The following RBMS3 variants were observed in gnomAD, a reference collection of about 807,000 sequenced individuals.
RBMS3 encodes the protein RNA-binding motif, single-stranded-interacting protein 3.
A neutral mutation model predicts 66.8 loss-of-function variants in RBMS3; 27 were observed. The ratio of observed to expected loss-of-function variants is 0.40; its 90% confidence interval spans 0.30 to 0.56. RBMS3 has a LOEUF of 0.56. RBMS3 is among the 20% of genes least tolerant of loss of function. RBMS3 has a pLI of 0.40. For missense variants in RBMS3, 513 were observed against 549.5 expected, an observed-to-expected ratio of 0.93 and a Z score of 0.66; for synonymous variants, 188 against 183.0, an observed-to-expected ratio of 1.03 and a Z score of -0.22.
chr3:29,826,999 G>T (rs1484190362), intron 6 of RBMS3, among the ~76,000 whole-genome samples: 1 of 152,040 alleles, frequency 6.6e-6, no homozygotes, highest in East Asian at 1.9e-4. Context: ...GGGGCAAAGG[G>T]GGAACTGAGT....
intron 4 of RBMS3, among the ~76,000 whole-genome samples, chr3:29,699,373 C>T (rs1424755473): frequency 1.3e-5 from 2 of 152,146 alleles, no homozygotes; most frequent in Non-Finnish European, 2.9e-5. Context: ...TCTCGAACTC[C>T]TGACCTCAGG....
At chr3:29,822,784 G>C (rs951116950) in intron 6 of RBMS3, among the ~76,000 whole-genome samples, 2 of 152,102 alleles carry the variant, frequency 1.3e-5, no homozygotes, top group African/African-American at 2.4e-5. Flanking sequence ...TAATATCGCT[G>C]TTCATGTCTA....
intron 1 of RBMS3, among the ~76,000 whole-genome samples, chr3:29,373,888 T>C (rs2038332758): frequency 6.6e-6 from 1 of 152,194 alleles, no homozygotes; most frequent in South Asian, 2.1e-4. Context: ...AGAGGCATAA[T>C]GATGCAAATC....
intron 4 of RBMS3, among the ~76,000 whole-genome samples, chr3:29,699,823 A>C (rs2052468678): frequency 6.6e-6 from 1 of 152,220 alleles, no homozygotes; most frequent in African/African-American, 2.4e-5. Context: ...ACATGTACCT[A>C]CATTACCTGT....
chr3:29,473,591 C>G (rs1407474962), intron 2 of RBMS3, among the ~76,000 whole-genome samples: 2 of 152,206 alleles, frequency 1.3e-5, no homozygotes, highest in African/African-American at 4.8e-5. Flanking sequence ...TGCACAGGAG[C>G]CCACGGAGGA....
chr3:29,830,913 T>A (rs919802299), intron 6 of RBMS3, among the ~76,000 whole-genome samples: 4 of 152,148 alleles, frequency 2.6e-5, no homozygotes, highest in Non-Finnish European at 5.9e-5. Flanking sequence ...AGAATTAAAG[T>A]GACCTTAGAT....
intron 3 of RBMS3, among the ~76,000 whole-genome samples, chr3:29,489,888 CA>C (rs927965931): frequency 6.6e-6 from 1 of 151,124 alleles, no homozygotes; most frequent in African/African-American, 2.4e-5. Context: ...ACTAAAAATA[CA>C]AAGATTAGCT....
intron 3 of RBMS3, among the ~76,000 whole-genome samples, chr3:29,524,065 A>C (rs1295941421): frequency 6.6e-6 from 1 of 151,844 alleles, no homozygotes; most frequent in Non-Finnish European, 1.5e-5. Flanking sequence ...GCCCAGTACA[A>C]CCCTATGAGC....
chr3:29,884,887 A>G (rs1365943123), intron 8 of RBMS3, among the ~76,000 whole-genome samples: 3 of 151,708 alleles, frequency 2.0e-5, no homozygotes, highest in Non-Finnish European at 4.4e-5. Flanking sequence ...TTGGTTGCTT[A>G]TTTCCTGTCA....
chr3:29,566,718 C>A (rs1206036274), intron 3 of RBMS3, among the ~76,000 whole-genome samples: 2 of 150,476 alleles, frequency 1.3e-5, no homozygotes, highest in East Asian at 2.0e-4. Context: ...ATGCCAAATT[C>A]ATCTGTAATG....
intron 6 of RBMS3, among the ~76,000 whole-genome samples, chr3:29,818,558 T>C (rs1042163500): frequency 7.2e-5 from 11 of 152,084 alleles, no homozygotes; most frequent in Admixed American, 2.0e-4. Context: ...TAAACACAAA[T>C]GTTGTGAAAA....
Position 29,382,428 on chromosome 3 carries a change from C to T in RBMS3, c.76-52315C>T, listed in dbSNP as rs921579104. Among the ~76,000 whole-genome samples the T allele has an allele frequency of 1.1e-4, 16 of 152,334 alleles. 1 individual carries two copies. Among genetic ancestry groups the T allele is most frequent in the Admixed American group, 9.8e-4 (15 of 15,300 alleles). ...GTATTGATTTCTTCCTCAACGCTTA[C>T]TACTTCCTGCCTCTTTGGTGTTGCA... is the stretch of plus-strand genomic sequence containing the variant. On this transcript the variant is annotated intron_variant, in intron 1 of 14. Coordinates refer to ENST00000383767, the MANE Select transcript of RBMS3 (RefSeq NM_001003793.3).
chr3:29,282,179 C>T (rs575899804), intron 1 of RBMS3, among the ~76,000 whole-genome samples: 2 of 152,074 alleles, frequency 1.3e-5, no homozygotes, highest in Admixed American at 6.5e-5. Flanking sequence ...CTGGATAGGA[C>T]GTGCAACGGT....
At chr3:29,489,136 G>C (rs536851670) in intron 3 of RBMS3, among the ~76,000 whole-genome samples, 2 of 152,270 alleles carry the variant, frequency 1.3e-5, no homozygotes, top group East Asian at 3.9e-4. Context: ...GCATGACTCA[G>C]TTCTTACTGG....
intron 4 of RBMS3, among the ~76,000 whole-genome samples, chr3:29,731,266 G>A (rs573004634): frequency 1.1e-4 from 17 of 152,294 alleles, no homozygotes; most frequent in African/African-American, 3.9e-4. Context: ...CATTATATCC[G>A]AAATAAGTAA....
At chr3:29,855,400 CAT>C (rs2059046564) in intron 6 of RBMS3, among the ~76,000 whole-genome samples, 1 of 152,110 alleles carries the variant, frequency 6.6e-6, no homozygotes, top group Non-Finnish European at 1.5e-5. Flanking sequence ...ATTGCTTCTA[CAT>C]GTTTTATATC....
chr3:29,464,326 G>A (rs78172011), intron 2 of RBMS3, among the ~76,000 whole-genome samples: 10,979 of 152,142 alleles, frequency 0.072, 472 homozygotes, highest in East Asian at 0.16. Context: ...CTGAATAGCC[G>A]ACTGCAGGGT....
chr3:29,577,270 G>A lies in RBMS3; in HGVS notation c.308-9844G>A, dbSNP rs1444675305. Among the ~76,000 whole-genome samples the A allele has an allele frequency of 2.6e-5, 4 of 152,194 alleles. No homozygotes were observed. In the East Asian group the frequency reaches 5.8e-4, roughly 22 times the overall value. On this transcript the variant is annotated intron_variant, in intron 3 of 14. Coordinates refer to ENST00000383767, the MANE Select transcript of RBMS3 (RefSeq NM_001003793.3). Reference sequence around the variant, plus strand: ...GCCCTATTCTACCACGGCTGAGCTGGTATTCAAGACACAAGGCTCCTCTTT... The same window carrying A: ...GCCCTATTCTACCACGGCTGAGCTGATATTCAAGACACAAGGCTCCTCTTT...
intron 2 of RBMS3, among the ~76,000 whole-genome samples, chr3:29,461,295 T>A (rs557116942): frequency 6.6e-6 from 1 of 152,364 alleles, no homozygotes; most frequent in Non-Finnish European, 1.5e-5. Context: ...GATGTATGCT[T>A]GGCCTTATGC....
Sources: gnomAD v4.1 joint callset for allele counts (sites outside exome capture counted in the v4.1 genomes callset) on GRCh38, gnomAD v4.1.1 for gene constraint, MANE v1.5 for transcripts, NCBI Gene and HGNC (gene_info 2026-07-23, HGNC 2026-07-21) for gene names.